COL23A1: variants seen among roughly 807,000 people sequenced by gnomAD.
COL23A1 encodes the protein collagen alpha-1(XXIII) chain.
In COL23A1, 97 loss-of-function variants were observed where a neutral mutation model predicts 99.3. The observed-to-expected ratio is 0.98, with a 90% CI of 0.83 to 1.16. COL23A1 has a LOEUF of 1.16. Among genes scored for constraint, COL23A1 ranks in the 50% most tolerant of loss-of-function variants. The pLI is 0.00. For synonymous variants in COL23A1, 320 were observed against 308.2 expected (o/e 1.04, Z -0.40); for missense variants, 762 against 757.4 (o/e 1.01, Z -0.07).
At chr5:178,341,186 G>C (rs189621051) in intron 2 of COL23A1, among the ~76,000 whole-genome samples, 238 of 152,346 alleles carry the variant, frequency 1.6e-3, no homozygotes, top group Non-Finnish European at 2.7e-3. Flanking sequence ...GATCACAGTA[G>C]TGCGATGAGC....
chr5:178,389,991 G>A (rs1032782175), intron 2 of COL23A1, among the ~76,000 whole-genome samples: 6 of 152,176 alleles, frequency 3.9e-5, no homozygotes, highest in East Asian at 1.9e-4. Flanking sequence ...AGCTAGCAGC[G>A]GGGTGCTCAG....
chr5:178,355,038 A>G (rs1761558608), intron 2 of COL23A1, among the ~76,000 whole-genome samples: 1 of 149,432 alleles, frequency 6.7e-6, no homozygotes, highest in Admixed American at 6.7e-5. Flanking sequence ...AGCCTGGGAG[A>G]CAGGTGAGAC....
At chr5:178,350,210 C>T (rs1013507325) in intron 2 of COL23A1, among the ~76,000 whole-genome samples, 2 of 152,230 alleles carry the variant, frequency 1.3e-5, no homozygotes, top group Admixed American at 6.5e-5. Context: ...AGGACGCCCA[C>T]CTGGTCATGC....
At chr5:178,417,765 A>G (rs1418829436) in intron 2 of COL23A1, among the ~76,000 whole-genome samples, 1 of 152,232 alleles carries the variant, frequency 6.6e-6, no homozygotes, top group Non-Finnish European at 1.5e-5. Flanking sequence ...AGCAGAACAC[A>G]TGTGGCTTGT....
rs117286676 is a variant in COL23A1 at position 178,458,879 on chromosome 5, C to T, written c.361+101803G>A. On this transcript the variant is annotated intron_variant, in intron 2 of 28. Transcript: ENST00000390654. ...CCCAAAACCAAACCTGAAGCTCATG[C>T]AGCCTGCAGATCTACCCACCAGTTT... is the stretch of plus-strand genomic sequence containing the variant. Among the ~76,000 whole-genome samples, 323 of 152,172 alleles carry T rather than the reference C, an allele frequency of 2.1e-3. 8 individuals are homozygous for T. The highest frequency in any genetic ancestry group is 0.016 in the East Asian group (81 of 5,170).
At chr5:178,383,352 C>A (rs1202879469) in intron 2 of COL23A1, among the ~76,000 whole-genome samples, 1 of 152,222 alleles carries the variant, frequency 6.6e-6, no homozygotes, top group Non-Finnish European at 1.5e-5. Context: ...GACAAGGGCC[C>A]AGCCCTGACC....
chr5:178,466,494 C>T (rs998661082), intron 2 of COL23A1, among the ~76,000 whole-genome samples: 1 of 152,184 alleles, frequency 6.6e-6, no homozygotes, highest in African/African-American at 2.4e-5. Context: ...GACAGGTCTG[C>T]GCATCCCTGG....
chr5:178,349,395 G>A (rs961771450), intron 2 of COL23A1, among the ~76,000 whole-genome samples: 4 of 152,118 alleles, frequency 2.6e-5, no homozygotes, highest in African/African-American at 4.8e-5. Context: ...TTGATAACCC[G>A]GGTGATGCTG....
At chr5:178,377,173 C>A (rs1258952597) in intron 2 of COL23A1, among the ~76,000 whole-genome samples, 1 of 152,182 alleles carries the variant, frequency 6.6e-6, no homozygotes, top group African/African-American at 2.4e-5. Context: ...CGGGTAGGAA[C>A]CAGCATCCAC....
rs780431788 is a variant in COL23A1, at chr5:178,242,106, C to T, written c.1517G>A (p.Arg506Gln). The T allele has an allele frequency of 1.9e-5, 30 of 1,553,334 alleles. No individual in the cohort carries two copies. The African/African-American group carries it at 2.6e-4, about 13-fold the overall frequency. ...GEKGERGVPG[R>Q]KGVKGQKGEP... is the part of the protein sequence containing the mutation. ...GCCCTTCTGGCCCTTCACTCCTTTC[C>T]GGCCGGGGACCCCTCGTTCTCCCTG... The change falls in exon 27 of 29, where the codon CGG (arginine) becomes CAG (glutamine). Residue 506 changes from arginine to glutamine, a missense_variant. Physicochemically the swap from Arg to Gln is conservative, Grantham distance 43 (BLOSUM62 1). Coordinates refer to ENST00000390654, the MANE Select transcript of COL23A1 (RefSeq NM_173465.4).
At chr5:178,246,062 A>G (rs960883360) in intron 24 of COL23A1, 94 bp from the exon 25 acceptor site, 2 of 1,473,572 alleles carry the variant, frequency 1.4e-6, no homozygotes. Flanking sequence ...GGCCACAGAC[A>G]TGGGGGCAAG....
intron 1 of COL23A1, 55 bp from the exon 2 acceptor site, chr5:178,560,803 G>T (rs1022365779): frequency 5.2e-6 from 8 of 1,538,634 alleles, no homozygotes; most frequent in Non-Finnish European, 5.3e-6. Context: ...TTTCAGAACA[G>T]AGAGGGGTAA....
chr5:178,470,204 C>T (rs920632479), intron 2 of COL23A1, among the ~76,000 whole-genome samples: 1 of 152,204 alleles, frequency 6.6e-6, no homozygotes, highest in Admixed American at 6.5e-5. Context: ...TTCCTCCAGG[C>T]ACTTCTCAGG....
At chr5:178,325,406 C>A (rs940344220) in intron 2 of COL23A1, among the ~76,000 whole-genome samples, 1 of 152,186 alleles carries the variant, frequency 6.6e-6, no homozygotes, top group African/African-American at 2.4e-5. Flanking sequence ...TTACTCCTAG[C>A]CCACCTTTAG....
intron 3 of COL23A1, among the ~76,000 whole-genome samples, chr5:178,296,595 G>A (rs1047153407): frequency 1.3e-5 from 2 of 152,032 alleles, no homozygotes; most frequent in African/African-American, 4.8e-5. Context: ...GAGCGGTAAT[G>A]TGTACTGAGC....
At chr5:178,241,428 G>A (rs1057392979) in intron 27 of COL23A1, among the ~76,000 whole-genome samples, 2 of 152,076 alleles carry the variant, frequency 1.3e-5, no homozygotes, top group African/African-American at 4.8e-5. Context: ...AGGAAGGAAG[G>A]GGAGGCACAG....
intron 25 of COL23A1, among the ~76,000 whole-genome samples, chr5:178,243,042 T>C (rs1764491214): frequency 6.6e-6 from 1 of 151,686 alleles, no homozygotes; most frequent in Non-Finnish European, 1.5e-5. Flanking sequence ...ACACAAAAAT[T>C]AGCCGAGTAT....
chr5:178,577,857 C>T (rs992002368), intron 1 of COL23A1, among the ~76,000 whole-genome samples: 6 of 152,264 alleles, frequency 3.9e-5, no homozygotes, highest in African/African-American at 1.4e-4. Context: ...CAGACCCAGG[C>T]TTCCCAATTC....
At chr5:178,347,042 G>A (rs1051990712) in intron 2 of COL23A1, among the ~76,000 whole-genome samples, 3 of 152,196 alleles carry the variant, frequency 2.0e-5, no homozygotes, top group African/African-American at 4.8e-5. Context: ...CATCTGGTGA[G>A]CAGGGTGAGG....
Sources: gnomAD v4.1 joint callset for allele counts (sites outside exome capture counted in the v4.1 genomes callset) on GRCh38, gnomAD v4.1.1 for gene constraint, MANE v1.5 for transcripts, NCBI Gene and HGNC (gene_info 2026-07-23, HGNC 2026-07-21) for gene names.